TK2: variants seen among roughly 807,000 people sequenced by gnomAD.
The protein encoded by TK2 is thymidine kinase 2, mitochondrial.
A neutral mutation model predicts 41.9 loss-of-function variants in TK2; 35 were observed. That is an observed-to-expected ratio of 0.84 (90% CI 0.64 to 1.11). TK2 has a LOEUF of 1.11. TK2 is among the 50% of genes least tolerant of loss of function. The pLI, the probability that TK2 is intolerant of heterozygous loss-of-function variation, is 0.00. For synonymous variants in TK2, 128 were observed against 129.1 expected (o/e 0.99, Z 0.06); for missense variants, 320 against 351.1 (o/e 0.91, Z 0.71).
chr16:66,518,022 T>A, intron 6 of TK2, 145 bp from the exon 7 acceptor site: 1 of 744,438 alleles, frequency 1.3e-6, no homozygotes, highest in Non-Finnish European at 2.4e-6. Context: ...ATACTGGACA[T>A]GCAGTGACAA....
intron 6 of TK2, 66 bp downstream of exon 6, chr16:66,528,924 TAAAC>T: frequency 6.9e-7 from 1 of 1,456,556 alleles, no homozygotes; most frequent in Non-Finnish European, 9.6e-7. Context: ...GTCAATCGAA[TAAAC>T]AAGTTTCTAT....
intron 4 of TK2, among the ~76,000 whole-genome samples, 159 bp from the exon 5 acceptor site, chr16:66,531,628 C>T (rs1965116502): frequency 1.3e-5 from 2 of 152,118 alleles, no homozygotes; most frequent in Admixed American, 6.5e-5. Flanking sequence ...GCAGGGTGGA[C>T]AAAGGCAGAC....
chr16:66,549,903 G>A (rs1965736128), intron 1 of TK2, 35 bp downstream of exon 1: 2 of 1,338,344 alleles, frequency 1.5e-6, no homozygotes, highest in Non-Finnish European at 1.9e-6. Flanking sequence ...GGGCGCATAG[G>A]GGCTCCTGGG....
At chr16:66,542,605 A>C (rs1009768581) in intron 2 of TK2, among the ~76,000 whole-genome samples, 6 of 152,036 alleles carry the variant, frequency 3.9e-5, no homozygotes, top group Admixed American at 3.9e-4. Context: ...TTGAACCTAG[A>C]CTCTGCTCAC....
At chr16:66,548,009 G>A (rs1403368155) in intron 2 of TK2, 1 of 1,269,484 alleles carries the variant, frequency 7.9e-7, no homozygotes, top group East Asian at 5.6e-5. Context: ...GATGCCAGAG[G>A]ATCACTTGAG....
At position 66,517,738 on chromosome 16, in the gene TK2, A is replaced by C. The variant is rs1208292790; in HGVS notation, c.538+51T>G. The C allele has an allele frequency of 6.3e-7, 1 of 1,575,730 alleles. No individual in the cohort carries two copies. Among genetic ancestry groups the C allele is most frequent in the Non-Finnish European group, 8.7e-7 (1 of 1,145,180 alleles). On this transcript the variant is annotated intron_variant, in intron 7 of 9. Coordinates refer to ENST00000544898, the MANE Select transcript of TK2 (RefSeq NM_004614.5). This position sits in a 1 kb window ranked among gnomAD's most constrained non-coding sequence, Gnocchi z 4.3. Reference sequence around the variant, plus strand: ...TTGGGGCCCAGCCAAGCACATCCTCAAGGGACCCAGGAGAGAGACAAGAGA... The same window carrying C: ...TTGGGGCCCAGCCAAGCACATCCTCCAGGGACCCAGGAGAGAGACAAGAGA...
chr16:66,518,925 T>C (rs1238868507), intron 6 of TK2, among the ~76,000 whole-genome samples: 2 of 152,074 alleles, frequency 1.3e-5, no homozygotes, highest in African/African-American at 4.8e-5. Context: ...GCAGTGGGAG[T>C]TGGGGAGCAT....
rs1272102980 is a variant in TK2, at chr16:66,508,649, CCTGCT to C, written c.*3314_*3318del. 6.6e-6 allele frequency: 1 copy of C among 152,212 alleles called. No homozygotes were observed. The highest frequency in any genetic ancestry group is 1.9e-4 in the East Asian group (1 of 5,198). 9.4% of individuals were successfully genotyped at this position (152,212 alleles called of 1,614,324 possible). On this transcript the variant is annotated 3_prime_UTR_variant, in exon 10 of 10. Transcript: ENST00000544898. ...AGACAGGTTTCAGGACCACCTTTTA[CCTGCT>C]CTGAGGTTTAAATGGCACCACCGTC...
intron 2 of TK2, among the ~76,000 whole-genome samples, chr16:66,545,073 G>A (rs1201386445): frequency 2.1e-5 from 3 of 143,040 alleles, no homozygotes; most frequent in Non-Finnish European, 3.0e-5. Flanking sequence ...CAGTCTGGGT[G>A]ACAGAGTGAG....
Position 66,511,040 on chromosome 16 carries a change from G to A in TK2, c.*928C>T, listed in dbSNP as rs1449157341. The A allele has an allele frequency of 6.6e-6, 1 of 152,184 alleles. No individual in the cohort carries two copies. Among genetic ancestry groups the A allele is most frequent in the Non-Finnish European group, 1.5e-5 (1 of 68,054 alleles). 9.4% of individuals were successfully genotyped at this position (152,184 alleles called of 1,614,324 possible). A position where few individuals can be genotyped will look rare whatever the true frequency, so the allele number is the denominator to read the frequency against. On this transcript the variant is annotated 3_prime_UTR_variant, in exon 10 of 10. Transcript: ENST00000544898. ...GCAAAGCTCCTTATACAAGGACACA[G>A]ACAGTACGGGAGCCTTGGAAGCCAG...
chr16:66,517,449 A>T lies in TK2; in HGVS notation c.539-234T>A. ...ATTCTGTTCATAGACAGAGCTCAAA[A>T]CAGGCCTCACACCCAGCAGGTCTCA... On this transcript the variant is annotated intron_variant, in intron 7 of 9. Coordinates refer to ENST00000544898, the MANE Select transcript of TK2 (RefSeq NM_004614.5). This position sits in a 1 kb window ranked among gnomAD's most constrained non-coding sequence, Gnocchi z 4.3. 2 of 616,712 alleles carry T rather than the reference A, an allele frequency of 3.2e-6. No homozygotes were observed. Among genetic ancestry groups the T allele is most frequent in the Non-Finnish European group, 5.8e-6 (2 of 345,702 alleles). The allele number at this position is 616,712 out of a possible 1,614,324, so 38.2% of individuals were successfully genotyped here. A position where few individuals can be genotyped will look rare whatever the true frequency, so the allele number is the denominator to read the frequency against.
At chr16:66,513,877 A>C in intron 8 of TK2, 66 bp from the exon 9 acceptor site, 10 of 1,418,752 alleles carry the variant, frequency 7.0e-6, no homozygotes, top group African/African-American at 1.4e-5. Flanking sequence ...CAAGGGTGTC[A>C]AGCAGAGGGG....
chr16:66,540,480 TATTTCTAGCAGAAGTA>T (rs1965426385), intron 3 of TK2, among the ~76,000 whole-genome samples: 1 of 152,088 alleles, frequency 6.6e-6, no homozygotes, highest in Admixed American at 6.5e-5. Context: ...GCCATGCATA[TATTTCTAGCAGAAGTA>T]AAAACAGGAA....
At chr16:66,520,627 A>G (rs1356920091) in intron 6 of TK2, among the ~76,000 whole-genome samples, 3 of 152,194 alleles carry the variant, frequency 2.0e-5, no homozygotes, top group Non-Finnish European at 1.5e-5. Flanking sequence ...GAGAAGCCCA[A>G]TGCTGCCACG....
At chr16:66,512,391 T>C (rs540068483) in intron 9 of TK2, among the ~76,000 whole-genome samples, 1 of 152,092 alleles carries the variant, frequency 6.6e-6, no homozygotes, top group Non-Finnish European at 1.5e-5. Context: ...AGTGAGACCC[T>C]GTAAGCTCAT....
chr16:66,534,215 A>G (rs1002669878), intron 4 of TK2, among the ~76,000 whole-genome samples: 2 of 152,102 alleles, frequency 1.3e-5, no homozygotes, highest in Admixed American at 1.3e-4. Context: ...ACTAGCAAGA[A>G]AGCCCTCAGC....
chr16:66,522,400 G>A (rs1191077760), intron 6 of TK2, among the ~76,000 whole-genome samples: 3 of 152,192 alleles, frequency 2.0e-5, no homozygotes, highest in Non-Finnish European at 4.4e-5. Context: ...CCCGAGCTGG[G>A]TCCCACTCCA....
chr16:66,512,051 G>A lies in TK2; in HGVS notation c.715C>T (p.His239Tyr), dbSNP rs370500055. The part of the protein sequence containing the change: ...AAPVLVIEAD[H>Y]HMERMLELFE... The stretch of plus-strand genomic sequence containing the variant: ...AGTTCTAACATCCTCTCCATGTGGT[G>A]GTCAGCCTCAATCACCTGGAAATTA... The change falls in exon 10 of 10, where the codon CAC becomes TAC. Residue 239 changes from histidine (H) to tyrosine (Y), a missense_variant. By Grantham distance (83) the His-to-Tyr change is moderately conservative (BLOSUM62 2). Transcript: ENST00000544898. The A allele has an allele frequency of 5.4e-5, 87 of 1,614,002 alleles. No homozygotes were observed. The highest frequency in any genetic ancestry group is 6.6e-5 in the Non-Finnish European group (78 of 1,180,024).
intron 2 of TK2, among the ~76,000 whole-genome samples, chr16:66,544,492 T>C (rs758046815): frequency 6.6e-6 from 1 of 152,230 alleles, no homozygotes; most frequent in Non-Finnish European, 1.5e-5. Context: ...AGGCCTATGC[T>C]GTGCCAGGCA....
Sources: gnomAD v4.1 joint callset for allele counts (sites outside exome capture counted in the v4.1 genomes callset) on GRCh38, gnomAD v4.1.1 for gene constraint, Gnocchi (gnomAD v3.1) non-coding constraint, MANE v1.5 for transcripts, NCBI Gene and HGNC (gene_info 2026-07-23, HGNC 2026-07-21) for gene names.